Variants in TLK2 observed in about 807,000 individuals in gnomAD.
TLK2 encodes tousled like kinase 2.
Under a neutral mutation model 117.3 loss-of-function variants are expected in TLK2, and 6 were observed. That is an observed-to-expected ratio of 0.05 (90% CI 0.03 to 0.10). The LOEUF is 0.10. Among genes scored for constraint, TLK2 ranks in the 10% least tolerant of loss-of-function variants. TLK2 has a pLI of 1.00. For missense variants in TLK2, 299 were observed against 901.2 expected (o/e 0.33, Z 8.56); for synonymous variants, 257 against 316.7 (o/e 0.81, Z 2.00).
chr17:62,598,650 A>G (rs2082655568), intron 17 of TLK2, among the ~76,000 whole-genome samples: 1 of 151,424 alleles, frequency 6.6e-6, no homozygotes, highest in Non-Finnish European at 1.5e-5. Flanking sequence ...TCAGCCTCCC[A>G]TGTAGCTAGG....
intron 10 of TLK2, among the ~76,000 whole-genome samples, chr17:62,560,823 T>C (rs1032218800): frequency 6.6e-6 from 1 of 151,992 alleles, no homozygotes; most frequent in East Asian, 1.9e-4. Context: ...CCGGCCAATT[T>C]TTGTATTTTT....
intron 7 of TLK2, among the ~76,000 whole-genome samples, chr17:62,549,033 C>T (rs1443527741): frequency 6.6e-6 from 1 of 151,002 alleles, no homozygotes. Flanking sequence ...GCCACTGCAC[C>T]CAGTCTAATC....
chr17:62,540,065 TCTC>T (rs1320126725), intron 7 of TLK2, among the ~76,000 whole-genome samples: 1 of 149,796 alleles, frequency 6.7e-6, no homozygotes, highest in Non-Finnish European at 1.5e-5. Flanking sequence ...TCTTCTTCTT[TCTC>T]CTTTCTTCTT....
At chr17:62,573,397 A>G (rs1465424904) in intron 12 of TLK2, 30 bp downstream of exon 12, 1 of 1,606,054 alleles carries the variant, frequency 6.2e-7, no homozygotes. Flanking sequence ...GAACGCTGAG[A>G]CACCACACCC....
chr17:62,540,400 ATTTTTTTTT>A (rs534202077), intron 7 of TLK2, among the ~76,000 whole-genome samples: 4 of 19,994 alleles, frequency 2.0e-4, no homozygotes, highest in Non-Finnish European at 4.4e-4. Context: ...TATGTTCAGA[ATTTTTTTTT>A]TTTTTTTTTT....
At chr17:62,509,490 T>G (rs553810767) in intron 2 of TLK2, among the ~76,000 whole-genome samples, 1 of 152,342 alleles carries the variant, frequency 6.6e-6, no homozygotes, top group South Asian at 2.1e-4. Context: ...TAAAAGTGAA[T>G]GTATAGATGT....
intron 16 of TLK2, among the ~76,000 whole-genome samples, chr17:62,592,050 G>T (rs2082122726): frequency 6.6e-6 from 1 of 151,842 alleles, no homozygotes; most frequent in African/African-American, 2.4e-5. Context: ...CGCCTCCTGG[G>T]TTCAAGTGAT....
intron 1 of TLK2, among the ~76,000 whole-genome samples, chr17:62,473,114 G>A (rs1380388136): frequency 2.0e-5 from 3 of 152,140 alleles, no homozygotes; most frequent in African/African-American, 7.2e-5. Flanking sequence ...CAGGCTGTGG[G>A]GCTGGGGGGA....
At chr17:62,497,697 G>T (rs995572771) in intron 2 of TLK2, among the ~76,000 whole-genome samples, 1 of 152,208 alleles carries the variant, frequency 6.6e-6, no homozygotes, top group East Asian at 1.9e-4. Context: ...CATTTGTATT[G>T]TATTGTATTC....
intron 16 of TLK2, among the ~76,000 whole-genome samples, chr17:62,589,113 C>T (rs903643613): frequency 1.3e-5 from 2 of 152,104 alleles, no homozygotes; most frequent in African/African-American, 4.8e-5. Flanking sequence ...CTTCATTCCT[C>T]TCCTCCTCCT....
intron 6 of TLK2, among the ~76,000 whole-genome samples, chr17:62,529,489 C>A (rs1036960837): frequency 6.6e-6 from 1 of 152,202 alleles, no homozygotes; most frequent in African/African-American, 2.4e-5. Flanking sequence ...CTGCCTTGGC[C>A]TCCCAAAGTA....
chr17:62,594,986 G>T (rs1050921492), intron 16 of TLK2, among the ~76,000 whole-genome samples: 4 of 152,086 alleles, frequency 2.6e-5, no homozygotes, highest in African/African-American at 7.2e-5. Context: ...TTTTGAGACG[G>T]AGTCTAACTT....
At chr17:62,486,012 G>C (rs540586749) in intron 2 of TLK2, among the ~76,000 whole-genome samples, 2 of 151,998 alleles carry the variant, frequency 1.3e-5, no homozygotes, top group African/African-American at 2.4e-5. Context: ...AGTAGAGACG[G>C]GGTTTCACCG....
chr17:62,592,825 C>T (rs2082177245), intron 16 of TLK2, among the ~76,000 whole-genome samples: 1 of 152,192 alleles, frequency 6.6e-6, no homozygotes, highest in East Asian at 1.9e-4. Flanking sequence ...CCTGAGCTTG[C>T]TTTCCTGCAG....
At chr17:62,486,171 T>C (rs1441220320) in intron 2 of TLK2, among the ~76,000 whole-genome samples, 1 of 151,800 alleles carries the variant, frequency 6.6e-6, no homozygotes, top group Non-Finnish European at 1.5e-5. Flanking sequence ...CTACCTCTTT[T>C]TTTGAGACGG....
chr17:62,510,325 G>A (rs1441145215), intron 2 of TLK2, among the ~76,000 whole-genome samples: 1 of 152,170 alleles, frequency 6.6e-6, no homozygotes, highest in Non-Finnish European at 1.5e-5. Context: ...TACAGACTAA[G>A]TATGGCTTAA....
chr17:62,549,129 C>T (rs1228642899), intron 7 of TLK2, among the ~76,000 whole-genome samples: 1 of 148,514 alleles, frequency 6.7e-6, no homozygotes, highest in African/African-American at 2.5e-5. Flanking sequence ...CGCGGTGGCT[C>T]ACACCTGTAA....
At chr17:62,551,912 G>A (rs111792018) in intron 7 of TLK2, 1 of 290,490 alleles carries the variant, frequency 3.4e-6, no homozygotes, top group African/African-American at 2.3e-5. Flanking sequence ...CTGAATAGTG[G>A]TTCACAGTCC....
intron 6 of TLK2, among the ~76,000 whole-genome samples, chr17:62,533,868 T>C (rs537190944): frequency 1.3e-5 from 2 of 152,342 alleles, no homozygotes; most frequent in Non-Finnish European, 2.9e-5. Context: ...TTGTAATTTT[T>C]TATATATGAT....
Sources: allele counts gnomAD v4.1 joint callset (sites outside exome capture counted in the v4.1 genomes callset), GRCh38; gene constraint gnomAD v4.1.1; transcripts MANE v1.5; gene names NCBI Gene and HGNC (gene_info 2026-07-23, HGNC 2026-07-21).